The following CCDC171 variants were observed in gnomAD, a reference collection of about 807,000 sequenced individuals.
CCDC171 encodes coiled-coil domain-containing protein 171.
In CCDC171, 177 loss-of-function variants were observed where a neutral mutation model predicts 168.2. That is an observed-to-expected ratio of 1.05 (90% CI 0.93 to 1.19). CCDC171 has a LOEUF of 1.19. CCDC171 is among the 50% of genes most tolerant of loss of function. CCDC171 has a pLI of 0.00. For synonymous variants in CCDC171, 687 were observed against 540.8 expected, an observed-to-expected ratio of 1.27 and a Z score of -3.75; for missense variants, 1,991 against 1,539.0, an observed-to-expected ratio of 1.29 and a Z score of -4.91.
intron 3 of CCDC171, among the ~76,000 whole-genome samples, chr9:15,576,406 T>C (rs1360731991): frequency 6.6e-6 from 1 of 152,034 alleles, no homozygotes; most frequent in Non-Finnish European, 1.5e-5. Flanking sequence ...CAGGTTGGTC[T>C]CAAACTCCTA....
exon 6 of CCDC171, chr9:16,022,799 C>G (rs1019230925): frequency 6.6e-6 from 1 of 152,202 alleles, no homozygotes; most frequent in Non-Finnish European, 1.5e-5. Context: ...TCACGGAGTC[C>G]ACCTGAGTCC....
chr9:15,810,264 A>G (rs538333203), intron 21 of CCDC171, among the ~76,000 whole-genome samples: 1 of 152,332 alleles, frequency 6.6e-6, no homozygotes, highest in East Asian at 1.9e-4. Context: ...TGATTGGTGC[A>G]TATACAATCC....
Position 15,678,945 on chromosome 9 carries a change from T to C in CCDC171, c.1215+49T>C, listed in dbSNP as rs145730227. On this transcript the variant is annotated intron_variant, in intron 10 of 25. Transcript: ENST00000380701. ...ATGGAAATCACTTTATTAGGTCATATTGGATGTATAGCAGGGTTTTTCCTC... is the reference window on the plus strand; with the variant it reads ...ATGGAAATCACTTTATTAGGTCATACTGGATGTATAGCAGGGTTTTTCCTC... The C allele has an allele frequency of 1.7e-4, 231 of 1,371,964 alleles. No homozygotes were observed. In the East Asian group the frequency reaches 4.8e-3, roughly 29 times the overall value. 85.0% of individuals were successfully genotyped at this position (1,371,964 alleles called of 1,614,324 possible). A position where few individuals can be genotyped will look rare whatever the true frequency, so the allele number is the denominator to read the frequency against.
upstream of CCDC171, among the ~76,000 whole-genome samples, chr9:16,039,278 C>A (rs993861744): frequency 1.3e-5 from 2 of 152,150 alleles, no homozygotes; most frequent in African/African-American, 4.8e-5. Context: ...CCTCATGTGG[C>A]TGAGGCCCCT....
At chr9:15,839,754 A>C (rs1047166198) in intron 21 of CCDC171, among the ~76,000 whole-genome samples, 1 of 152,182 alleles carries the variant, frequency 6.6e-6, no homozygotes, top group Non-Finnish European at 1.5e-5. Context: ...AAATATGTGG[A>C]ACACTCCCCA....
chr9:15,778,965 C>T lies in CCDC171; in HGVS notation c.2899-3C>T. ...TTATAAAATTGCTCTTGTTTAACAACAGAAAAGCACAGCATCGTTGCAGAA... is the reference window on the plus strand; with the variant it reads ...TTATAAAATTGCTCTTGTTTAACAATAGAAAAGCACAGCATCGTTGCAGAA... On this transcript the variant is annotated splice_polypyrimidine_tract_variant and splice_region_variant and intron_variant, in intron 19 of 25. Transcript: ENST00000380701. The T allele has an allele frequency of 6.8e-7, 1 of 1,474,612 alleles. No individual in the cohort carries two copies. The highest frequency in any genetic ancestry group is 9.0e-7 in the Non-Finnish European group (1 of 1,110,290). 91.3% of individuals were successfully genotyped at this position (1,474,612 alleles called of 1,614,324 possible). A position where few individuals can be genotyped will look rare whatever the true frequency, so the allele number is the denominator to read the frequency against.
intron 21 of CCDC171, among the ~76,000 whole-genome samples, chr9:15,819,033 A>G (rs1180312354): frequency 1.7e-5 from 2 of 116,820 alleles, no homozygotes; most frequent in African/African-American, 6.5e-5. Flanking sequence ...AGTGGGGGCC[A>G]ATATTCAACA....
chr9:15,691,896 T>C (rs1210508555), intron 10 of CCDC171, among the ~76,000 whole-genome samples: 1 of 152,106 alleles, frequency 6.6e-6, no homozygotes, highest in Non-Finnish European at 1.5e-5. Flanking sequence ...CAGGCTCACC[T>C]TGAACTCCTG....
At chr9:15,959,400 C>G (rs988849284) in intron 25 of CCDC171, among the ~76,000 whole-genome samples, 2 of 152,026 alleles carry the variant, frequency 1.3e-5, no homozygotes, top group Non-Finnish European at 2.9e-5. Flanking sequence ...TCTTTAATCT[C>G]AAATTTGAAT....
chr9:16,083,135 A>G, the CCDC171 span, among the ~76,000 whole-genome samples: 50,013 of 152,090 alleles, frequency 0.33, 9,594 homozygotes, highest in African/African-American at 0.54. Context: ...CTGAGCAATT[A>G]GATAGGGTTA....
chr9:16,086,857 T>C, the CCDC171 span, among the ~76,000 whole-genome samples: 1 of 152,256 alleles, frequency 6.6e-6, no homozygotes, highest in Non-Finnish European at 1.5e-5. Context: ...TGCTTTCTGC[T>C]GTGGGCATTT....
intron 23 of CCDC171, among the ~76,000 whole-genome samples, chr9:15,862,478 T>G (rs920741164): frequency 3.3e-5 from 5 of 152,248 alleles, no homozygotes; most frequent in African/African-American, 1.2e-4. Flanking sequence ...ATCATTTTTA[T>G]GACAGTATTT....
chr9:15,614,770 C>T (rs557744554), intron 6 of CCDC171, among the ~76,000 whole-genome samples: 90 of 152,134 alleles, frequency 5.9e-4, no homozygotes, highest in African/African-American at 2.0e-3. Context: ...AAAAAGTTTC[C>T]TAGAAACTTT....
rs984460049 is a variant in CCDC171 at position 15,973,831 on chromosome 9, A to C, written c.*1995A>C. On this transcript the variant is annotated 3_prime_UTR_variant, in exon 26 of 26. Coordinates refer to ENST00000380701, the MANE Select transcript of CCDC171 (RefSeq NM_173550.4). The stretch of plus-strand genomic sequence containing the variant: ...TCACTGAGCTTACAATTCTCACTAG[A>C]GAAGAACAAGGTTACTATATGTAAC... The C allele has an allele frequency of 6.6e-6, 1 of 152,156 alleles. No homozygotes were observed. The highest frequency in any genetic ancestry group is 1.5e-5 in the Non-Finnish European group (1 of 68,024). The allele number at this position is 152,156 out of a possible 1,614,324, so 9.4% of individuals were successfully genotyped here.
At chr9:15,789,261 T>A (rs2135556900) in intron 21 of CCDC171, among the ~76,000 whole-genome samples, 1 of 152,260 alleles carries the variant, frequency 6.6e-6, no homozygotes, top group Non-Finnish European at 1.5e-5. Flanking sequence ...AGTAAGTATA[T>A]AAATAATACA....
At chr9:15,573,065 A>G (rs537349695) in intron 3 of CCDC171, among the ~76,000 whole-genome samples, 7 of 152,144 alleles carry the variant, frequency 4.6e-5, no homozygotes, top group Non-Finnish European at 8.8e-5. Context: ...AGGCTGAGGC[A>G]GGAGAATCGC....
At chr9:15,673,976 G>A (rs1276764292) in intron 9 of CCDC171, among the ~76,000 whole-genome samples, 1 of 151,978 alleles carries the variant, frequency 6.6e-6, no homozygotes, top group African/African-American at 2.4e-5. Flanking sequence ...TCTGTGCAGT[G>A]CTGGGCTTTT....
chr9:15,894,544 C>G (rs1306721558), intron 24 of CCDC171, among the ~76,000 whole-genome samples: 1 of 152,064 alleles, frequency 6.6e-6, no homozygotes. Context: ...TGGCCTTGGG[C>G]TCTTCATGAT....
the CCDC171 span, among the ~76,000 whole-genome samples, chr9:16,085,413 G>A: frequency 6.6e-6 from 1 of 152,330 alleles, no homozygotes; most frequent in African/African-American, 2.4e-5. Flanking sequence ...TGCCTGTCCT[G>A]AAGTCACTGT....
Sources: gnomAD v4.1 joint callset for allele counts (sites outside exome capture counted in the v4.1 genomes callset) on GRCh38, gnomAD v4.1.1 for gene constraint, MANE v1.5 for transcripts, NCBI Gene and HGNC (gene_info 2026-07-23, HGNC 2026-07-21) for gene names.